Variants in KCNK2 observed in about 807,000 individuals in gnomAD.
KCNK2 encodes potassium channel subfamily K member 2.
Under a neutral mutation model 40.5 loss-of-function variants are expected in KCNK2, and 21 were observed. The observed-to-expected ratio is 0.52, with a 90% confidence interval of 0.37 to 0.75. The LOEUF (loss-of-function observed/expected upper bound fraction) is 0.75, where lower values mean the gene tolerates loss of function less well. Ranked by LOEUF, KCNK2 falls within the 30% of genes least tolerant of loss-of-function variation. KCNK2 has a pLI of 0.00. For missense variants in KCNK2, 399 were observed against 531.6 expected (o/e 0.75, Z 2.45); for synonymous variants, 191 against 202.2 (o/e 0.94, Z 0.47).
chr1:215,017,887 C>T (rs533466605), intron 1 of KCNK2, among the ~76,000 whole-genome samples: 1 of 152,132 alleles, frequency 6.6e-6, no homozygotes, highest in African/African-American at 2.4e-5. Flanking sequence ...GCAGACACAA[C>T]ATGAAATGCC....
chr1:215,159,504 G>GT (rs1663097079), intron 3 of KCNK2, among the ~76,000 whole-genome samples: 1 of 152,018 alleles, frequency 6.6e-6, no homozygotes, highest in Admixed American at 6.6e-5. Context: ...CGGTTATAGG[G>GT]TTTTTTCTAC....
At chr1:215,100,877 T>C (rs1660178693) in intron 2 of KCNK2, among the ~76,000 whole-genome samples, 1 of 152,064 alleles carries the variant, frequency 6.6e-6, no homozygotes, top group Non-Finnish European at 1.5e-5. Context: ...AAAAGGATAA[T>C]TGATTTGCAG....
chr1:215,019,637 T>A (rs2802651), intron 1 of KCNK2, among the ~76,000 whole-genome samples: 6 of 152,056 alleles, frequency 3.9e-5, no homozygotes, highest in Admixed American at 1.3e-4. Flanking sequence ...CCTTCTATGT[T>A]ATTGGAATTA....
chr1:215,085,090 C>T (rs1659371503), intron 1 of KCNK2, among the ~76,000 whole-genome samples: 1 of 152,196 alleles, frequency 6.6e-6, no homozygotes, highest in Admixed American at 6.5e-5. Context: ...ATTAGCTTCT[C>T]ATACTGAAGT....
intron 2 of KCNK2, among the ~76,000 whole-genome samples, chr1:215,121,961 T>G (rs1321173712): frequency 6.6e-6 from 1 of 152,202 alleles, no homozygotes; most frequent in African/African-American, 2.4e-5. Flanking sequence ...AGAAGATCTT[T>G]GATATCTTCA....
In KCNK2 at chr1:215,101,939, A is replaced by G. The variant is rs1055138699; in HGVS notation, c.357+15261A>G. On this transcript the variant is annotated intron_variant, in intron 2 of 6. Coordinates refer to ENST00000444842, the MANE Select transcript of KCNK2 (RefSeq NM_001017425.3). ...TGTTACCGGTTTGTGTATTCACTAT[A>G]CTATACTGTTTCCATTATGTTATTT... Among the ~76,000 whole-genome samples, 7 of 152,116 alleles carry G rather than the reference A, an allele frequency of 4.6e-5. No individual in the cohort carries two copies. In the South Asian group the frequency reaches 1.0e-3, roughly 23 times the overall value.
chr1:215,088,513 C>G (rs1185372225), intron 2 of KCNK2, among the ~76,000 whole-genome samples: 4 of 151,396 alleles, frequency 2.6e-5, no homozygotes, highest in Non-Finnish European at 5.9e-5. Flanking sequence ...TGGATTGTAG[C>G]CTCTGATTCA....
chr1:215,109,515 C>T (rs558537053), intron 2 of KCNK2, among the ~76,000 whole-genome samples: 19 of 151,882 alleles, frequency 1.3e-4, no homozygotes, highest in Admixed American at 2.6e-4. Flanking sequence ...CAGTTCTATC[C>T]GTGTTGCTAC....
chr1:215,145,981 C>T (rs546270909), intron 3 of KCNK2, among the ~76,000 whole-genome samples: 4 of 152,224 alleles, frequency 2.6e-5, no homozygotes, highest in African/African-American at 9.6e-5. Context: ...AATTTTATTA[C>T]GCCTTGAACA....
chr1:215,029,499 T>A (rs1657111485), intron 1 of KCNK2, among the ~76,000 whole-genome samples: 1 of 148,078 alleles, frequency 6.8e-6, no homozygotes, highest in Admixed American at 6.8e-5. Context: ...AGAATTTATA[T>A]AAATAACAGA....
At chr1:215,083,530 C>A (rs572329515) in intron 1 of KCNK2, 99 bp downstream of exon 1, 2 of 889,806 alleles carry the variant, frequency 2.2e-6, no homozygotes, top group Non-Finnish European at 3.8e-6. Flanking sequence ...CAGCAAGCGG[C>A]CGTTTCCCAT....
chr1:215,201,004 G>A (rs1022629846), intron 6 of KCNK2, among the ~76,000 whole-genome samples: 1 of 152,072 alleles, frequency 6.6e-6, no homozygotes, highest in Admixed American at 6.6e-5. Context: ...GATAGTTTGG[G>A]GCCATCACTA....
At chr1:215,121,036 G>T (rs1661167787) in intron 2 of KCNK2, among the ~76,000 whole-genome samples, 1 of 152,078 alleles carries the variant, frequency 6.6e-6, no homozygotes, top group Non-Finnish European at 1.5e-5. Context: ...TGAAGAATCT[G>T]CTGTCATTAT....
chr1:215,229,173 C>G (rs1666515973), intron 6 of KCNK2, among the ~76,000 whole-genome samples: 1 of 151,014 alleles, frequency 6.6e-6, no homozygotes, highest in Non-Finnish European at 1.5e-5. Flanking sequence ...ATTAGATACC[C>G]CTGCTATAAT....
chr1:215,104,845 G>A (rs1660368670), intron 2 of KCNK2, among the ~76,000 whole-genome samples: 1 of 151,926 alleles, frequency 6.6e-6, no homozygotes, highest in South Asian at 2.1e-4. Flanking sequence ...ATTGTAAGGG[G>A]CTATGGGGTT....
At chr1:215,133,835 T>C (rs1033319455) in intron 3 of KCNK2, among the ~76,000 whole-genome samples, 2 of 152,180 alleles carry the variant, frequency 1.3e-5, no homozygotes. Context: ...TACAGCCAAC[T>C]CTTGGTTCTA....
intron 1 of KCNK2, among the ~76,000 whole-genome samples, chr1:215,056,499 C>CAAAA (rs376076606): frequency 7.0e-3 from 379 of 53,888 alleles, no homozygotes; most frequent in East Asian, 0.011. Flanking sequence ...GACTCAGTCT[C>CAAAA]AAAAAAAAAA....
intron 3 of KCNK2, among the ~76,000 whole-genome samples, chr1:215,149,886 A>C (rs1044316421): frequency 3.9e-5 from 6 of 152,194 alleles, no homozygotes; most frequent in African/African-American, 1.4e-4. Context: ...AAGATGAGAG[A>C]CTGCCTGAGT....
At chr1:215,211,243 G>A (rs950615815) in intron 6 of KCNK2, among the ~76,000 whole-genome samples, 8 of 151,778 alleles carry the variant, frequency 5.3e-5, no homozygotes, top group Admixed American at 2.6e-4. Flanking sequence ...TTCCAGCCTC[G>A]CTAGTCCCCT....
Sources: allele counts gnomAD v4.1 joint callset (sites outside exome capture counted in the v4.1 genomes callset), GRCh38; gene constraint gnomAD v4.1.1; transcripts MANE v1.5; gene names NCBI Gene and HGNC (gene_info 2026-07-23, HGNC 2026-07-21).